GPRIN3: variants seen among roughly 807,000 people sequenced by gnomAD.
GPRIN3 encodes G protein-regulated inducer of neurite outgrowth 3.
Under a neutral mutation model 13.7 loss-of-function variants are expected in GPRIN3, and 12 were observed. The ratio of observed to expected loss-of-function variants is 0.87; its 90% CI spans 0.56 to 1.42. The LOEUF (loss-of-function observed/expected upper bound fraction) is 1.42. GPRIN3 is among the 40% of genes most tolerant of loss of function. The pLI is 0.00. For missense variants in GPRIN3, 1,009 were observed against 958.7 expected (o/e 1.05, Z -0.69); for synonymous variants, 377 against 372.7 (o/e 1.01, Z -0.13).
At chr4:89,254,143 G>GTGTGTGTGTGTGTGTA (rs1186605088) in intron 1 of GPRIN3, among the ~76,000 whole-genome samples, 1 of 151,884 alleles carries the variant, frequency 6.6e-6, no homozygotes, top group Non-Finnish European at 1.5e-5. Flanking sequence ...GTGTGTGTGT[G>GTGTGTGTGTGTGTGTA]TGTGTGTGGA....
chr4:89,300,250 C>T lies in GPRIN3; in HGVS notation c.-124+7365G>A, dbSNP rs576941918. Among the ~76,000 whole-genome samples, 4 of 152,160 alleles carry T rather than the reference C, an allele frequency of 2.6e-5. No homozygotes were observed. In the East Asian group the frequency reaches 7.7e-4, roughly 29 times the overall value. On this transcript the variant is annotated intron_variant, in intron 1 of 1. Transcript: ENST00000609438. Reference sequence around the variant, plus strand: ...GGTACTTAGGGAACACCTAAGTAGTCCAGACTTTACAGACTCAATACCTAC... The same window carrying T: ...GGTACTTAGGGAACACCTAAGTAGTTCAGACTTTACAGACTCAATACCTAC...
chr4:89,299,398 T>C lies in GPRIN3; in HGVS notation c.-124+8217A>G, dbSNP rs574004121. The stretch of plus-strand genomic sequence containing the variant: ...GGGGGTGGTATGCAGCAAGTGTGCA[T>C]GAGGAAGGAAAGTGGCAGGAGAAGT... On this transcript the variant is annotated intron_variant, in intron 1 of 1. Coordinates refer to ENST00000609438, the MANE Select transcript of GPRIN3 (RefSeq NM_198281.3). Among the ~76,000 whole-genome samples the C allele has an allele frequency of 9.9e-5, 15 of 152,162 alleles. No homozygotes were observed. The South Asian group carries it at 2.7e-3, about 27-fold the overall frequency.
In GPRIN3 at chr4:89,241,343, C is replaced by A. The variant is rs1318345135; in HGVS notation, c.*6437G>T. ...ATGCCTGCCTGAATACAGAAATTGG[C>A]CTTTAAATGGGATACGACAAGTTAT... On this transcript the variant is annotated 3_prime_UTR_variant, in exon 2 of 2. Transcript: ENST00000609438. 1 of 151,984 alleles carries A rather than the reference C, an allele frequency of 6.6e-6. No homozygotes were observed. The highest frequency in any genetic ancestry group is 2.4e-5 in the African/African-American group (1 of 41,388). The allele number at this position is 151,984 out of a possible 1,614,324, so 9.4% of individuals were successfully genotyped here. A position where few individuals can be genotyped will look rare whatever the true frequency, so the allele number is the denominator to read the frequency against.
At chr4:89,251,683 A>C (rs189148532) in intron 1 of GPRIN3, among the ~76,000 whole-genome samples, 1 of 152,368 alleles carries the variant, frequency 6.6e-6, no homozygotes. Flanking sequence ...AATGAGAAAA[A>C]CAAGGTCCAG....
chr4:89,248,244 T>A lies in GPRIN3; in HGVS notation c.1867A>T (p.Thr623Ser). Reference protein sequence around the residue: ...GDSSPGSGKKTPSRSVKASPR... With the variant: ...GDSSPGSGKKSPSRSVKASPR... ...CTGGCTTTGACGGAGCGAGATGGGG[T>A]CTTCTTGCCAGAACCTGGGCTGGAG... The change falls in exon 2 of 2, where the codon ACC becomes TCC. Residue 623 changes from threonine (T) to serine (S), a missense_variant. Physicochemically the swap from Thr to Ser is moderately conservative, Grantham distance 58. Transcript: ENST00000609438. 1 of 1,614,052 alleles carries A rather than the reference T, an allele frequency of 6.2e-7. No individual in the cohort carries two copies. The highest frequency in any genetic ancestry group is 8.5e-7 in the Non-Finnish European group (1 of 1,180,008).
Position 89,245,147 on chromosome 4 carries a change from A to C in GPRIN3, c.*2633T>G, listed in dbSNP as rs941667716. On this transcript the variant is annotated 3_prime_UTR_variant, in exon 2 of 2. Coordinates refer to ENST00000609438, the MANE Select transcript of GPRIN3 (RefSeq NM_198281.3). ...AACTTAGGGGAGGTATCACAATACA[A>C]AAATGCTGCTGTCTTGAATAGGTCC... 1 of 152,246 alleles carries C rather than the reference A, an allele frequency of 6.6e-6. No homozygotes were observed. Among genetic ancestry groups the C allele is most frequent in the Middle Eastern group, 3.2e-3 (1 of 316 alleles). 9.4% of individuals were successfully genotyped at this position (152,246 alleles called of 1,614,324 possible). A position where few individuals can be genotyped will look rare whatever the true frequency, so the allele number is the denominator to read the frequency against.
rs1367271281 is a variant in GPRIN3 at position 89,247,999 on chromosome 4, G to T, written c.2112C>A (p.Ser704=). The T allele has an allele frequency of 2.5e-6, 4 of 1,613,870 alleles. No individual in the cohort carries two copies. Among genetic ancestry groups the T allele is most frequent in the Non-Finnish European group, 3.4e-6 (4 of 1,179,988 alleles). ...AATGGTTCTGGATCGCGATTCCCAG[G>T]GACTCTGCGTCCAAGGATGCACCAT... ...EVYGASLDAE[S]LGIAIQNHLQ... The change falls in exon 2 of 2, where the codon TCC becomes TCA. Residue 704 remains serine (S), a synonymous_variant. Coordinates refer to ENST00000609438, the MANE Select transcript of GPRIN3 (RefSeq NM_198281.3).
At chr4:89,251,977 C>CTTTTT (rs112143610) in intron 1 of GPRIN3, among the ~76,000 whole-genome samples, 1 of 143,336 alleles carries the variant, frequency 7.0e-6, no homozygotes, top group East Asian at 2.0e-4. Context: ...TATATATAAG[C>CTTTTT]TTTTTTTTTT....
At chr4:89,254,697 T>C (rs140585008) in intron 1 of GPRIN3, among the ~76,000 whole-genome samples, 1 of 152,330 alleles carries the variant, frequency 6.6e-6, no homozygotes, top group African/African-American at 2.4e-5. Context: ...TACACATGCA[T>C]GTGTCTTTAC....
At chr4:89,306,699 C>T (rs1275771123) in intron 1 of GPRIN3, among the ~76,000 whole-genome samples, 1 of 152,114 alleles carries the variant, frequency 6.6e-6, no homozygotes, top group East Asian at 1.9e-4. Context: ...TTTTGCCCAC[C>T]TCCTCGGCTG....
chr4:89,268,079 A>C (rs1723831609), intron 1 of GPRIN3, among the ~76,000 whole-genome samples: 1 of 152,230 alleles, frequency 6.6e-6, no homozygotes, highest in African/African-American at 2.4e-5. Flanking sequence ...AGCCTCAACA[A>C]GTTTGGGCTT....
chr4:89,247,253 A>G lies in GPRIN3; in HGVS notation c.*527T>C, dbSNP rs1362272411. 1 of 152,424 alleles carries G rather than the reference A, an allele frequency of 6.6e-6. No homozygotes were observed. Among genetic ancestry groups the G allele is most frequent in the African/African-American group, 2.4e-5 (1 of 41,458 alleles). 9.4% of individuals were successfully genotyped at this position (152,424 alleles called of 1,614,324 possible). Reference sequence around the variant, plus strand: ...TTATTTAATGTTATCTGGCCTAGGAATGAATCAAATATGTTCTCATTTTTT... The same window carrying G: ...TTATTTAATGTTATCTGGCCTAGGAGTGAATCAAATATGTTCTCATTTTTT... On this transcript the variant is annotated 3_prime_UTR_variant, in exon 2 of 2. Transcript: ENST00000609438.
At chr4:89,270,579 A>ATATATAT (rs1553951351) in intron 1 of GPRIN3, among the ~76,000 whole-genome samples, 64 of 101,054 alleles carry the variant, frequency 6.3e-4, no homozygotes, top group African/African-American at 3.4e-3. Context: ...ATATATATAT[A>ATATATAT]TATATATATA....
At chr4:89,285,233 C>T (rs1724370279) in intron 1 of GPRIN3, among the ~76,000 whole-genome samples, 1 of 152,078 alleles carries the variant, frequency 6.6e-6, no homozygotes. Flanking sequence ...GGAGGGACAA[C>T]ATTAGGAGAA....
intron 1 of GPRIN3, among the ~76,000 whole-genome samples, chr4:89,275,504 C>G (rs895964778): frequency 6.6e-6 from 1 of 152,174 alleles, no homozygotes; most frequent in Non-Finnish European, 1.5e-5. Context: ...TCAAAACATA[C>G]ATAAAAGACA....
At chr4:89,257,862 C>T (rs766819575) in intron 1 of GPRIN3, among the ~76,000 whole-genome samples, 3 of 151,968 alleles carry the variant, frequency 2.0e-5, no homozygotes, top group Non-Finnish European at 2.9e-5. Context: ...ATACAGAAAT[C>T]CGATACAGAA....
In GPRIN3 at chr4:89,248,158, T is replaced by C. The variant is rs144260171; in HGVS notation, c.1953A>G (p.Ala651=). The C allele has an allele frequency of 1.3e-4, 206 of 1,614,156 alleles. 1 individual carries two copies. The Middle Eastern group carries it at 2.5e-3, about 19-fold the overall frequency. The change falls in exon 2 of 2, where the codon GCA becomes GCG. Residue 651 remains alanine, a synonymous_variant. Transcript: ENST00000609438. ...GAGTGAGTCCTACCTGAGCAGCAGCTGCTGTCACATTTAACTTTTGCTCCT... is the reference window on the plus strand; with the variant it reads ...GAGTGAGTCCTACCTGAGCAGCAGCCGCTGTCACATTTAACTTTTGCTCCT... ...FLKEQKLNVT[A]AAAQVGLTPG...
chr4:89,281,787 C>G (rs879662902), intron 1 of GPRIN3, among the ~76,000 whole-genome samples: 1 of 152,116 alleles, frequency 6.6e-6, no homozygotes, highest in Non-Finnish European at 1.5e-5. Flanking sequence ...CTAAAATACC[C>G]TCTCTACTCT....
rs140115863 is a variant in GPRIN3 at position 89,249,800 on chromosome 4, C to G, written c.311G>C (p.Gly104Ala). 31 of 1,614,098 alleles carry G rather than the reference C, an allele frequency of 1.9e-5. No individual in the cohort carries two copies. The African/African-American group carries it at 3.9e-4, about 20-fold the overall frequency. ...GGCTGATGCTGCGGGCTGGCTGCTC[C>G]CTGGCAGCTGGGGATTGCCGGGAGA... Reference protein sequence around the residue: ...FNSPGNPQLPGSSQPAASAPS... With the variant: ...FNSPGNPQLPASSQPAASAPS... The change falls in exon 2 of 2, where the codon GGG (glycine) becomes GCG (alanine). Residue 104 changes from glycine to alanine, a missense_variant. Coordinates refer to ENST00000609438, the MANE Select transcript of GPRIN3 (RefSeq NM_198281.3).
Sources: allele counts gnomAD v4.1 joint callset (sites outside exome capture counted in the v4.1 genomes callset), GRCh38; gene constraint gnomAD v4.1.1; transcripts MANE v1.5; gene names NCBI Gene and HGNC (gene_info 2026-07-23, HGNC 2026-07-21).